The following SLC25A13 variants were observed in gnomAD, a reference collection of about 807,000 sequenced individuals.
SLC25A13 encodes electrogenic aspartate/glutamate antiporter SLC25A13, mitochondrial.
Under a neutral mutation model 85.5 loss-of-function variants are expected in SLC25A13, and 70 were observed. That is an observed-to-expected ratio of 0.82 (90% CI 0.68 to 1.00). The LOEUF (loss-of-function observed/expected upper bound fraction) is 1.00, where lower values mean the gene tolerates loss of function less well. Ranked by LOEUF, SLC25A13 falls within the 50% of genes least tolerant of loss-of-function variation. The pLI is 0.00. For synonymous variants in SLC25A13, 259 were observed against 288.7 expected (o/e 0.90, Z 1.04); for missense variants, 765 against 819.8 (o/e 0.93, Z 0.82).
chr7:96,286,916 T>C (rs1798912892), intron 2 of SLC25A13, among the ~76,000 whole-genome samples: 1 of 152,222 alleles, frequency 6.6e-6, no homozygotes, highest in Admixed American at 6.5e-5. Flanking sequence ...GTGTGAAGGC[T>C]GCAATGAAGC....
chr7:96,159,969 G>A (rs1276831145), intron 13 of SLC25A13, among the ~76,000 whole-genome samples: 1 of 152,166 alleles, frequency 6.6e-6, no homozygotes. Flanking sequence ...AACCAAAGTG[G>A]AATCCATTTG....
intron 3 of SLC25A13, among the ~76,000 whole-genome samples, chr7:96,239,522 G>T (rs186236669): frequency 6.6e-6 from 1 of 151,948 alleles, no homozygotes; most frequent in East Asian, 1.9e-4. Flanking sequence ...TTTTCCACCC[G>T]CAACTCCCAG....
intron 1 of SLC25A13, among the ~76,000 whole-genome samples, chr7:96,307,988 CT>C (rs1208360404): frequency 6.6e-6 from 1 of 151,846 alleles, no homozygotes; most frequent in Non-Finnish European, 1.5e-5. Context: ...TCAGTCTCTA[CT>C]AAAAATACAA....
At chr7:96,295,273 C>T (rs530295495) in intron 2 of SLC25A13, among the ~76,000 whole-genome samples, 2 of 152,244 alleles carry the variant, frequency 1.3e-5, no homozygotes, top group South Asian at 2.1e-4. Context: ...CACCTGAACC[C>T]GGGAGGTGGA....
Position 96,234,883 on chromosome 7 carries a change from A to T in SLC25A13, c.247T>A (p.Ser83Thr). The T allele has an allele frequency of 6.2e-7, 1 of 1,613,942 alleles. No individual in the cohort carries two copies. The highest frequency in any genetic ancestry group is 8.5e-7 in the Non-Finnish European group (1 of 1,179,846). Residue 83 changes from serine to threonine, a missense_variant, in exon 4 of 18, where the codon TCT becomes ACT. Transcript: ENST00000265631. ...AAAGCATCAGGGGCACACAGGACAG[A>T]TTCAAAGGCAACAAATTCTTGAAAA... The part of the protein sequence containing the change: ...ISFQEFVAFE[S>T]VLCAPDALFM...
intron 5 of SLC25A13, among the ~76,000 whole-genome samples, chr7:96,206,263 T>G (rs1795460651): frequency 6.6e-6 from 1 of 152,210 alleles, no homozygotes; most frequent in Non-Finnish European, 1.5e-5. Flanking sequence ...AGGGAGTTGG[T>G]GCCTATTTCT....
intron 14 of SLC25A13, among the ~76,000 whole-genome samples, chr7:96,143,967 A>T (rs1792671644): frequency 6.6e-6 from 1 of 152,242 alleles, no homozygotes; most frequent in African/African-American, 2.4e-5. Flanking sequence ...GGAGGGACAC[A>T]TACCAGGTTT....
rs527582727 is a variant in SLC25A13, at chr7:96,269,485, C to G, written c.212+7711G>C. Among the ~76,000 whole-genome samples, 4 of 152,330 alleles carry G rather than the reference C, an allele frequency of 2.6e-5. No individual in the cohort carries two copies. The East Asian group carries it at 7.7e-4, about 29-fold the overall frequency. ...TGTCTGGATCAAGCCAAAACTACCA[C>G]TAGAAAAAGGTTTTTTTCCGGATCA... On this transcript the variant is annotated intron_variant, in intron 3 of 17. Transcript: ENST00000265631.
At chr7:96,184,566 G>C (rs1794549232) in intron 10 of SLC25A13, 131 bp from the exon 11 acceptor site, 2 of 835,198 alleles carry the variant, frequency 2.4e-6, no homozygotes, top group South Asian at 3.1e-5. Flanking sequence ...TTTTAAAACA[G>C]TACTACCTTT....
chr7:96,272,794 T>G (rs1439177692), intron 3 of SLC25A13, among the ~76,000 whole-genome samples: 1 of 152,182 alleles, frequency 6.6e-6, no homozygotes, highest in Non-Finnish European at 1.5e-5. Flanking sequence ...GAAAGAAAGT[T>G]TCTGTTTACC....
At chr7:96,182,445 A>G (rs759009640) in intron 11 of SLC25A13, among the ~76,000 whole-genome samples, 2 of 152,246 alleles carry the variant, frequency 1.3e-5, no homozygotes, top group Non-Finnish European at 2.9e-5. Flanking sequence ...GCACCCAAAG[A>G]TAAATGGCCA....
At chr7:96,176,271 C>G (rs1008821079) in intron 11 of SLC25A13, among the ~76,000 whole-genome samples, 3 of 152,142 alleles carry the variant, frequency 2.0e-5, no homozygotes, top group African/African-American at 7.2e-5. Context: ...AATCAGGTTT[C>G]TAATATAAGA....
At chr7:96,301,419 G>A (rs1389910008) in intron 1 of SLC25A13, among the ~76,000 whole-genome samples, 1 of 151,982 alleles carries the variant, frequency 6.6e-6, no homozygotes, top group Non-Finnish European at 1.5e-5. Flanking sequence ...TTGTAAGAAT[G>A]GATTCCAACA....
At chr7:96,302,731 T>C (rs1188480867) in intron 1 of SLC25A13, among the ~76,000 whole-genome samples, 1 of 152,106 alleles carries the variant, frequency 6.6e-6, no homozygotes, top group Non-Finnish European at 1.5e-5. Context: ...ACAATGAAAA[T>C]AGGCAACTCT....
At chr7:96,171,369 C>T (rs1793991513) in intron 12 of SLC25A13, 103 bp downstream of exon 12, 1 of 1,018,032 alleles carries the variant, frequency 9.8e-7, no homozygotes, top group Non-Finnish European at 1.5e-6. Flanking sequence ...AATTAGCTAG[C>T]ACCTCTGAGA....
At chr7:96,167,488 A>C (rs1227393720) in intron 13 of SLC25A13, among the ~76,000 whole-genome samples, 3 of 152,220 alleles carry the variant, frequency 2.0e-5, no homozygotes, top group Non-Finnish European at 2.9e-5. Context: ...TGCAGAAAAC[A>C]GATCATAAAA....
intron 2 of SLC25A13, among the ~76,000 whole-genome samples, chr7:96,296,161 T>C (rs1380654792): frequency 6.6e-6 from 1 of 151,990 alleles, no homozygotes; most frequent in Non-Finnish European, 1.5e-5. Context: ...GCAGTCATCA[T>C]AAAGTGATGA....
intron 13 of SLC25A13, among the ~76,000 whole-genome samples, chr7:96,152,058 T>C (rs900938138): frequency 4.6e-5 from 7 of 152,198 alleles, no homozygotes; most frequent in Non-Finnish European, 8.8e-5. Flanking sequence ...AGGTGAACCT[T>C]GGATTCCAAG....
At chr7:96,136,160 T>C (rs1037923317) in intron 14 of SLC25A13, among the ~76,000 whole-genome samples, 3 of 152,206 alleles carry the variant, frequency 2.0e-5, no homozygotes, top group Non-Finnish European at 4.4e-5. Flanking sequence ...TCCAATTCTA[T>C]ATCATGCCAA....
Sources: allele counts gnomAD v4.1 joint callset (sites outside exome capture counted in the v4.1 genomes callset), GRCh38; gene constraint gnomAD v4.1.1; transcripts MANE v1.5; gene names NCBI Gene and HGNC (gene_info 2026-07-23, HGNC 2026-07-21).